Variants in SH3BGRL observed in about 807,000 individuals in gnomAD.
The protein encoded by SH3BGRL is adapter SH3BGRL.
SH3BGRL carries 7 observed loss-of-function variants against 9.8 expected under a neutral mutation model. The ratio of observed to expected loss-of-function variants is 0.72; its 90% CI spans 0.41 to 1.35. The LOEUF is 1.35. SH3BGRL is among the 40% of genes most tolerant of loss of function. The pLI is 0.01. For synonymous variants in SH3BGRL, 36 were observed against 29.1 expected, an observed-to-expected ratio of 1.24 and a Z score of -0.76; for missense variants, 73 against 84.4, an observed-to-expected ratio of 0.86 and a Z score of 0.53.
At chrX:81,261,559 A>G (rs1162333751) in intron 1 of SH3BGRL, among the ~76,000 whole-genome samples, 2 of 111,218 alleles carry the variant, frequency 1.8e-5, no homozygotes, top group African/African-American at 6.5e-5. Context: ...TAAATCTTGT[A>G]AAAATTTTGT....
At chrX:81,266,959 T>C (rs1176217130) in intron 1 of SH3BGRL, among the ~76,000 whole-genome samples, 1 of 111,697 alleles carries the variant, frequency 9.0e-6, no homozygotes, top group Non-Finnish European at 1.9e-5. Context: ...TTTTATTCTA[T>C]TAGTAGCAAT....
intron 2 of SH3BGRL, among the ~76,000 whole-genome samples, chrX:81,277,901 G>T (rs1198111567): frequency 1.8e-5 from 2 of 112,073 alleles, no homozygotes; most frequent in Non-Finnish European, 3.8e-5. Flanking sequence ...TATTATGGAA[G>T]TTAGTCTCTC....
At chrX:81,279,451 C>T (rs1480539746) in intron 3 of SH3BGRL, among the ~76,000 whole-genome samples, 1 of 111,004 alleles carries the variant, frequency 9.0e-6, no homozygotes, top group Non-Finnish European at 1.9e-5. Context: ...GACCCACAGA[C>T]CCTCTCAAGG....
At chrX:81,207,795 T>A (rs975109143) in intron 1 of SH3BGRL, among the ~76,000 whole-genome samples, 3 of 111,789 alleles carry the variant, frequency 2.7e-5, no homozygotes, top group Non-Finnish European at 5.6e-5. Context: ...TTCAAATTGA[T>A]GCTTAGTATT....
At chrX:81,235,755 C>G (rs1387205525) in intron 1 of SH3BGRL, among the ~76,000 whole-genome samples, 2 of 111,385 alleles carry the variant, frequency 1.8e-5, no homozygotes, top group Non-Finnish European at 3.8e-5. Context: ...CACTCCAACT[C>G]TGCTTTTACC....
chrX:81,252,393 A>C (rs1162336510), intron 1 of SH3BGRL, among the ~76,000 whole-genome samples: 1 of 112,026 alleles, frequency 8.9e-6, no homozygotes, highest in Non-Finnish European at 1.9e-5. Context: ...CTTTAGAATA[A>C]ATCATCTAAG....
At chrX:81,280,372 A>T (rs930192375) in intron 3 of SH3BGRL, among the ~76,000 whole-genome samples, 4 of 111,587 alleles carry the variant, frequency 3.6e-5, no homozygotes, top group African/African-American at 9.8e-5. Flanking sequence ...CCAGCATAAA[A>T]ATAGAGCATT....
At chrX:81,206,440 A>G (rs1041542782) in intron 1 of SH3BGRL, among the ~76,000 whole-genome samples, 13 of 111,988 alleles carry the variant, frequency 1.2e-4, no homozygotes, top group African/African-American at 4.2e-4. Context: ...AATACAGTAT[A>G]CAGGTTCAAA....
intron 1 of SH3BGRL, among the ~76,000 whole-genome samples, chrX:81,276,406 G>A (rs1217917959): frequency 2.7e-5 from 3 of 110,111 alleles, no homozygotes; most frequent in Non-Finnish European, 5.7e-5. Context: ...CACATGATAA[G>A]GGCTAATGAA....
chrX:81,241,478 CCCATGGACCAA>C (rs2075669424), intron 1 of SH3BGRL, among the ~76,000 whole-genome samples: 2 of 111,830 alleles, frequency 1.8e-5, no homozygotes, highest in Admixed American at 1.9e-4. Context: ...CCCATGGCTC[CCCATGGACCAA>C]TCAATAATCA....
chrX:81,217,446 T>C (rs1432953971), intron 1 of SH3BGRL, among the ~76,000 whole-genome samples: 1 of 111,190 alleles, frequency 9.0e-6, no homozygotes, highest in Non-Finnish European at 1.9e-5. Flanking sequence ...TGATAGTTTG[T>C]ATCACTATTA....
intron 3 of SH3BGRL, among the ~76,000 whole-genome samples, chrX:81,292,663 T>G (rs1308923832): frequency 1.8e-5 from 2 of 112,699 alleles, no homozygotes; most frequent in African/African-American, 3.2e-5. Flanking sequence ...AGGTTTCAAA[T>G]TTTCCAAACT....
At chrX:81,212,473 T>C (rs1253548148) in intron 1 of SH3BGRL, among the ~76,000 whole-genome samples, 2 of 111,258 alleles carry the variant, frequency 1.8e-5, no homozygotes, top group Non-Finnish European at 3.8e-5. Context: ...AAAGAGGATG[T>C]TGAAAGGCAA....
intron 1 of SH3BGRL, among the ~76,000 whole-genome samples, chrX:81,253,683 CAA>C (rs770607300): frequency 8.9e-6 from 1 of 112,329 alleles, no homozygotes; most frequent in South Asian, 3.7e-4. Flanking sequence ...ATCTGTAAGA[CAA>C]GAGCTGGACA....
intron 1 of SH3BGRL, among the ~76,000 whole-genome samples, chrX:81,253,948 G>C (rs1255462162): frequency 9.0e-6 from 1 of 111,284 alleles, no homozygotes; most frequent in Non-Finnish European, 1.9e-5. Context: ...AGAAATTGAG[G>C]ATCAGGAAGC....
intron 1 of SH3BGRL, among the ~76,000 whole-genome samples, chrX:81,232,577 G>C (rs1415559638): frequency 9.0e-6 from 1 of 110,548 alleles, no homozygotes; most frequent in Non-Finnish European, 1.9e-5. Flanking sequence ...TGCCTATCCT[G>C]CTCTCCTTTC....
intron 1 of SH3BGRL, chrX:81,202,472 ACATT>A: frequency 2.0e-6 from 2 of 991,027 alleles, no homozygotes; most frequent in Non-Finnish European, 2.5e-6. Context: ...GTTGGGGGGC[ACATT>A]TCTGCTTTGA....
intron 3 of SH3BGRL, among the ~76,000 whole-genome samples, chrX:81,296,400 T>G (rs2075874819): frequency 8.9e-6 from 1 of 111,909 alleles, no homozygotes; most frequent in Non-Finnish European, 1.9e-5. Flanking sequence ...TGGTGTCATT[T>G]AATATTTTCT....
At chrX:81,275,855 C>T (rs1231742248) in intron 1 of SH3BGRL, among the ~76,000 whole-genome samples, 1 of 111,697 alleles carries the variant, frequency 9.0e-6, no homozygotes, top group Admixed American at 9.5e-5. Flanking sequence ...ATCACAATCA[C>T]GAGCAACTTA....
Sources: allele counts gnomAD v4.1 joint callset (sites outside exome capture counted in the v4.1 genomes callset), GRCh38; gene constraint gnomAD v4.1.1; transcripts MANE v1.5; gene names NCBI Gene and HGNC (gene_info 2026-07-23, HGNC 2026-07-21).